The following TUSC3 variants were observed in gnomAD, a reference collection of about 807,000 sequenced individuals.
TUSC3 encodes tumor suppressor candidate 3.
In TUSC3, 45 loss-of-function variants were observed where a neutral mutation model predicts 44.8. The observed-to-expected ratio is 1.00, with a 90% CI of 0.79 to 1.29. The LOEUF (loss-of-function observed/expected upper bound fraction) is 1.29. Among genes scored for constraint, TUSC3 ranks in the 50% most tolerant of loss-of-function variants. The pLI is 0.00. For synonymous variants in TUSC3, 212 were observed against 152.9 expected (o/e 1.39, Z -2.85); for missense variants, 519 against 437.9 (o/e 1.19, Z -1.65).
At chr8:15,730,181 T>G (rs1810661331) in intron 6 of TUSC3, among the ~76,000 whole-genome samples, 1 of 152,106 alleles carries the variant, frequency 6.6e-6, no homozygotes, top group African/African-American at 2.4e-5. Context: ...TGAAAACAAT[T>G]TTAATAATTT....
intron 1 of TUSC3, among the ~76,000 whole-genome samples, chr8:15,598,423 T>G (rs1222739990): frequency 6.6e-6 from 1 of 151,946 alleles, no homozygotes; most frequent in African/African-American, 2.4e-5. Flanking sequence ...TTCCTACCAA[T>G]GTGGTACATT....
At chr8:15,745,263 T>A (rs1365255376) in intron 8 of TUSC3, among the ~76,000 whole-genome samples, 2 of 152,156 alleles carry the variant, frequency 1.3e-5, no homozygotes, top group African/African-American at 4.8e-5. Context: ...AGGGCTGTAG[T>A]AAACATAAGA....
chr8:15,464,445 T>C (rs1338112859), intron 1 of TUSC3, among the ~76,000 whole-genome samples: 1 of 152,182 alleles, frequency 6.6e-6, no homozygotes, highest in Non-Finnish European at 1.5e-5. Context: ...ATGTTGTGAA[T>C]CTAGGCATAA....
intron 1 of TUSC3, among the ~76,000 whole-genome samples, chr8:15,562,832 T>C (rs190639871): frequency 6.6e-6 from 1 of 152,186 alleles, no homozygotes; most frequent in Admixed American, 6.5e-5. Context: ...GTGACACTTC[T>C]TTTAAAATGT....
At chr8:15,745,564 A>C (rs1811379735) in intron 8 of TUSC3, among the ~76,000 whole-genome samples, 1 of 151,886 alleles carries the variant, frequency 6.6e-6, no homozygotes, top group Non-Finnish European at 1.5e-5. Flanking sequence ...ATGATAATGA[A>C]CATTTTTTCA....
Position 15,575,595 on chromosome 8 carries a change from C to T in TUSC3, c.138+35027C>T, listed in dbSNP as rs111473868. On this transcript the variant is annotated intron_variant, in intron 1 of 10. Coordinates refer to ENST00000503731, the MANE Select transcript of TUSC3 (RefSeq NM_006765.4). ...CAGCCTGGCCAACATGGTGAAAACC[C>T]GTCTCTATTTAAAATAAAAAAATTA... Among the ~76,000 whole-genome samples, 106 of 152,034 alleles carry T rather than the reference C, an allele frequency of 7.0e-4. 1 individual carries two copies. The highest frequency in any genetic ancestry group is 3.4e-3 in the Middle Eastern group (1 of 294).
At chr8:15,701,160 C>T (rs991602375) in intron 6 of TUSC3, among the ~76,000 whole-genome samples, 2 of 152,034 alleles carry the variant, frequency 1.3e-5, no homozygotes, top group Non-Finnish European at 2.9e-5. Flanking sequence ...ATACACAGAT[C>T]TTAAATGCCT....
intron 1 of TUSC3, among the ~76,000 whole-genome samples, chr8:15,606,857 AT>A (rs1804550389): frequency 6.6e-6 from 1 of 152,124 alleles, no homozygotes; most frequent in Non-Finnish European, 1.5e-5. Flanking sequence ...ATGCATAGCC[AT>A]ATTGTATCCC....
At chr8:15,488,444 G>A (rs1445643335) in intron 2 of TUSC3, among the ~76,000 whole-genome samples, 1 of 152,126 alleles carries the variant, frequency 6.6e-6, no homozygotes, top group Non-Finnish European at 1.5e-5. Flanking sequence ...CAAGGCTGCA[G>A]TAAGCCATCA....
At chr8:15,754,385 G>T (rs1039087992) in intron 9 of TUSC3, among the ~76,000 whole-genome samples, 1 of 152,000 alleles carries the variant, frequency 6.6e-6, no homozygotes. Flanking sequence ...TCTCAACCAA[G>T]ACTCTATCCT....
chr8:15,603,445 C>T (rs1563128725), intron 1 of TUSC3, among the ~76,000 whole-genome samples: 2 of 151,498 alleles, frequency 1.3e-5, no homozygotes, highest in Admixed American at 6.6e-5. Flanking sequence ...TTGGCAATAT[C>T]TTGTAATTGG....
intron 2 of TUSC3, among the ~76,000 whole-genome samples, chr8:15,496,268 C>T (rs1396670875): frequency 6.6e-6 from 1 of 152,172 alleles, no homozygotes; most frequent in Non-Finnish European, 1.5e-5. Flanking sequence ...TGCCTTTTAA[C>T]ATATGTTCTG....
At chr8:15,625,448 C>G (rs1462335533) in intron 2 of TUSC3, among the ~76,000 whole-genome samples, 1 of 152,090 alleles carries the variant, frequency 6.6e-6, no homozygotes, top group Admixed American at 6.6e-5. Flanking sequence ...GTAGCATTTT[C>G]CAGTAAAATC....
chr8:15,577,907 T>C (rs1486875670), intron 1 of TUSC3, among the ~76,000 whole-genome samples: 1 of 150,944 alleles, frequency 6.6e-6, no homozygotes, highest in East Asian at 1.9e-4. Flanking sequence ...CCTTGGGCAG[T>C]ACGGCCATTT....
intron 1 of TUSC3, among the ~76,000 whole-genome samples, chr8:15,451,170 G>C (rs922347610): frequency 2.0e-5 from 3 of 152,110 alleles, no homozygotes; most frequent in African/African-American, 4.8e-5. Context: ...TAAGATATAA[G>C]ACACATATAT....
intron 1 of TUSC3, among the ~76,000 whole-genome samples, chr8:15,444,038 C>A (rs1800058643): frequency 6.6e-6 from 1 of 152,178 alleles, no homozygotes; most frequent in African/African-American, 2.4e-5. Flanking sequence ...GTAATAAAAC[C>A]CTGGTCTCCC....
At chr8:15,517,983 CA>C (rs34752261) in intron 2 of TUSC3, among the ~76,000 whole-genome samples, 125 of 150,134 alleles carry the variant, frequency 8.3e-4, no homozygotes, top group African/African-American at 2.6e-3. Context: ...CAAGAACAAA[CA>C]AAAAAAAACC....
chr8:15,712,454 C>G (rs1186760934), intron 6 of TUSC3, among the ~76,000 whole-genome samples: 5 of 151,986 alleles, frequency 3.3e-5, no homozygotes, highest in Non-Finnish European at 1.5e-5. Context: ...TCGAGTTTAA[C>G]TTCAGTTTCT....
At chr8:15,784,002 T>A in the TUSC3 span, among the ~76,000 whole-genome samples, 1 of 151,950 alleles carries the variant, frequency 6.6e-6, no homozygotes, top group African/African-American at 2.4e-5. Flanking sequence ...TACTCAATAA[T>A]AAGAAAATAA....
Sources: allele counts gnomAD v4.1 joint callset (sites outside exome capture counted in the v4.1 genomes callset), GRCh38; gene constraint gnomAD v4.1.1; transcripts MANE v1.5; gene names NCBI Gene and HGNC (gene_info 2026-07-23, HGNC 2026-07-21).